TF: variants seen among roughly 807,000 people sequenced by gnomAD.
TF encodes the protein serotransferrin.
In TF, 55 loss-of-function variants were observed where a neutral mutation model predicts 82.4. That is an observed-to-expected ratio of 0.67 (90% CI 0.54 to 0.84). The LOEUF is 0.84. Ranked by LOEUF, TF falls within the 40% of genes least tolerant of loss-of-function variation. TF has a pLI of 0.00. For missense variants in TF, 737 were observed against 868.4 expected (o/e 0.85, Z 1.90); for synonymous variants, 332 against 332.6 (o/e 1.00, Z 0.02).
At chr3:133,692,633 CT>C in the TF span, 31 of 151,724 alleles carry the variant, frequency 2.0e-4, no homozygotes, top group Middle Eastern at 3.4e-3. Flanking sequence ...CAATTAAGGG[CT>C]TTTTTTTTCT....
the TF span, among the ~76,000 whole-genome samples, chr3:133,698,090 C>A: frequency 6.6e-6 from 1 of 152,246 alleles, no homozygotes; most frequent in Non-Finnish European, 1.5e-5. Context: ...GGCCTCTAAA[C>A]AGCACCTGGG....
At chr3:133,686,641 A>T in the TF span, among the ~76,000 whole-genome samples, 3 of 152,032 alleles carry the variant, frequency 2.0e-5, no homozygotes, top group Non-Finnish European at 1.5e-5. Flanking sequence ...AATCAAAACC[A>T]CAATGAGATA....
chr3:133,693,325 G>A, the TF span, among the ~76,000 whole-genome samples: 1 of 151,544 alleles, frequency 6.6e-6, no homozygotes, highest in Admixed American at 6.6e-5. Context: ...GGCAAGGAAA[G>A]GGTGACTGGG....
In TF at chr3:133,778,940, G is replaced by C. The variant is rs947772270; in HGVS notation, c.*320G>C. ...TGTGTGTGCCATGGCCACATCTCCT[G>C]GGTACAGTTCAAGGAGACATCTTTT... On this transcript the variant is annotated 3_prime_UTR_variant, in exon 17 of 17. Coordinates refer to ENST00000402696, the MANE Select transcript of TF (RefSeq NM_001063.4). 1 of 349,738 alleles carries C rather than the reference G, an allele frequency of 2.9e-6. No individual in the cohort carries two copies. Among genetic ancestry groups the C allele is most frequent in the Admixed American group, 4.0e-5 (1 of 25,292 alleles). 21.7% of individuals were successfully genotyped at this position (349,738 alleles called of 1,614,324 possible).
the TF span, among the ~76,000 whole-genome samples, chr3:133,674,954 G>GA: frequency 6.6e-6 from 1 of 152,084 alleles, no homozygotes; most frequent in African/African-American, 2.4e-5. Flanking sequence ...TTAAATGGTT[G>GA]AAAGGGAAAG....
rs569972724 is a variant in TF at position 133,796,526 on chromosome 3, G to T, written c.*17906G>T. ...GAGTAACCAATGGAAACCTCTAGAG[G>T]GTATTTAAACCCCAGAAAATTCTGT... On this transcript the variant is annotated 3_prime_UTR_variant, in exon 17 of 17. Coordinates refer to ENST00000402696, the MANE Select transcript of TF (RefSeq NM_001063.4). 6.6e-6 allele frequency: 1 copy of T among 152,284 alleles called. No individual in the cohort carries two copies. The highest frequency in any genetic ancestry group is 6.5e-5 in the Admixed American group (1 of 15,296). 9.4% of individuals were successfully genotyped at this position (152,284 alleles called of 1,614,324 possible). A position where few individuals can be genotyped will look rare whatever the true frequency, so the allele number is the denominator to read the frequency against.
the TF span, among the ~76,000 whole-genome samples, chr3:133,723,903 C>G: frequency 7.3e-5 from 11 of 151,566 alleles, no homozygotes; most frequent in Admixed American, 5.9e-4. Context: ...AGAACATGTG[C>G]TGTTTGGTTT....
the TF span, among the ~76,000 whole-genome samples, chr3:133,729,752 G>C: frequency 6.6e-6 from 1 of 152,106 alleles, no homozygotes; most frequent in African/African-American, 2.4e-5. Flanking sequence ...CTTCTGCATC[G>C]CTCACGCTGG....
intron 9 of TF, 39 bp from the exon 10 acceptor site, chr3:133,764,143 G>A: frequency 6.3e-7 from 1 of 1,580,262 alleles, no homozygotes; most frequent in Non-Finnish European, 8.7e-7. Context: ...ACAGGAAACA[G>A]CCTCTTTTCA....
At chr3:133,746,717 C>A (rs551452497) in intron 1 of TF, among the ~76,000 whole-genome samples, 17 of 152,226 alleles carry the variant, frequency 1.1e-4, no homozygotes, top group South Asian at 2.1e-4. Flanking sequence ...GTAAATCTTG[C>A]AGCAGTGAAA....
Position 133,780,066 on chromosome 3 carries a change from C to G in TF, c.*1446C>G, listed in dbSNP as rs888071749. The G allele has an allele frequency of 6.6e-6, 1 of 152,160 alleles. No homozygotes were observed. Among genetic ancestry groups the G allele is most frequent in the Non-Finnish European group, 1.5e-5 (1 of 68,024 alleles). 9.4% of individuals were successfully genotyped at this position (152,160 alleles called of 1,614,324 possible). A position where few individuals can be genotyped will look rare whatever the true frequency, so the allele number is the denominator to read the frequency against. On this transcript the variant is annotated 3_prime_UTR_variant, in exon 17 of 17. Transcript: ENST00000402696. ...CACAGCCTCATCTTATACTCAAATACAGAAGTGCAGATAAGGGGTATCTGG... is the reference window on the plus strand; with the variant it reads ...CACAGCCTCATCTTATACTCAAATAGAGAAGTGCAGATAAGGGGTATCTGG...
At chr3:133,758,922 A>T (rs1933909957) in intron 8 of TF, among the ~76,000 whole-genome samples, 1 of 152,214 alleles carries the variant, frequency 6.6e-6, no homozygotes. Context: ...AAACAGCCAG[A>T]GGTCATATAG....
Position 133,778,684 on chromosome 3 carries a change from C to A in TF, c.*64C>A. 6.4e-7 allele frequency: 1 copy of A among 1,574,500 alleles called. No individual in the cohort carries two copies. Among genetic ancestry groups the A allele is most frequent in the East Asian group, 2.3e-5 (1 of 44,158 alleles). ...AACGCAGATGATCCATGAGTTTGCCCTGGTTTCACTGGCCCAAGTGGTTTG... is the reference window on the plus strand; with the variant it reads ...AACGCAGATGATCCATGAGTTTGCCATGGTTTCACTGGCCCAAGTGGTTTG... On this transcript the variant is annotated 3_prime_UTR_variant, in exon 17 of 17. Transcript: ENST00000402696.
chr3:133,725,500 T>C, the TF span, among the ~76,000 whole-genome samples: 180 of 152,356 alleles, frequency 1.2e-3, no homozygotes, highest in African/African-American at 4.2e-3. Flanking sequence ...TTTTGTACAT[T>C]GATTTTACAT....
At chr3:133,753,469 C>T (rs984335881) in intron 2 of TF, 126 bp from the exon 3 acceptor site, 16 of 773,124 alleles carry the variant, frequency 2.1e-5, no homozygotes, top group Middle Eastern at 3.4e-4. Flanking sequence ...CAGGGCTGTG[C>T]GTGGTCTAGT....
chr3:133,719,210 C>G, the TF span, among the ~76,000 whole-genome samples: 2 of 152,122 alleles, frequency 1.3e-5, no homozygotes, highest in Non-Finnish European at 2.9e-5. Context: ...GCAAAATCAC[C>G]TTTCATGCTG....
the TF span, among the ~76,000 whole-genome samples, chr3:133,734,907 T>C: frequency 1.3e-5 from 2 of 152,180 alleles, no homozygotes; most frequent in Non-Finnish European, 2.9e-5. Context: ...TCCAGTTTAT[T>C]TGACAAGTAT....
At chr3:133,748,284 GT>G (rs1933560343) in intron 1 of TF, 127 bp from the exon 2 acceptor site, 3 of 1,173,834 alleles carry the variant, frequency 2.6e-6, no homozygotes, top group Non-Finnish European at 3.7e-6. Flanking sequence ...GCCCTGTAGT[GT>G]TCATGGACAG....
the TF span, among the ~76,000 whole-genome samples, chr3:133,723,443 G>A: frequency 6.7e-6 from 1 of 148,734 alleles, no homozygotes; most frequent in East Asian, 1.9e-4. Flanking sequence ...TGTCCCATAA[G>A]TACCATAGGG....
Sources: gnomAD v4.1 joint callset for allele counts (sites outside exome capture counted in the v4.1 genomes callset) on GRCh38, gnomAD v4.1.1 for gene constraint, MANE v1.5 for transcripts, NCBI Gene and HGNC (gene_info 2026-07-23, HGNC 2026-07-21) for gene names.